MCM5: variants seen among roughly 807,000 people sequenced by gnomAD.
The protein encoded by MCM5 is minichromosome maintenance complex component 5.
In MCM5, 46 loss-of-function variants were observed where a neutral mutation model predicts 79.9. The ratio of observed to expected loss-of-function variants is 0.58; its 90% CI spans 0.45 to 0.74. The LOEUF (loss-of-function observed/expected upper bound fraction) is 0.74. MCM5 is among the 30% of genes least tolerant of loss of function. The probability of loss-of-function intolerance (pLI) is 0.00; values close to 1 mark genes in which losing one functional copy is unlikely to be tolerated. For synonymous variants in MCM5, 404 were observed against 390.5 expected, an observed-to-expected ratio of 1.03 and a Z score of -0.41; for missense variants, 883 against 1,017.0, an observed-to-expected ratio of 0.87 and a Z score of 1.79.
intron 6 of MCM5, 62 bp from the exon 7 acceptor site, chr22:35,410,682 A>G: frequency 6.6e-7 from 1 of 1,508,636 alleles, no homozygotes; most frequent in African/African-American, 1.4e-5. Flanking sequence ...GGGTGGAATC[A>G]GAGACTTGCT....
At chr22:35,443,285 C>T in the MCM5 span, among the ~76,000 whole-genome samples, 3 of 152,156 alleles carry the variant, frequency 2.0e-5, no homozygotes, top group African/African-American at 7.2e-5. Context: ...CTCCCAGGTT[C>T]AAGTGATTCT....
the MCM5 span, among the ~76,000 whole-genome samples, chr22:35,437,886 A>G: frequency 5.3e-5 from 8 of 152,094 alleles, no homozygotes; most frequent in African/African-American, 1.9e-4. Context: ...GTGTCAATCT[A>G]GTCCTATTTT....
At chr22:35,408,831 C>G (rs776544062) in intron 6 of MCM5, among the ~76,000 whole-genome samples, 1 of 152,220 alleles carries the variant, frequency 6.6e-6, no homozygotes, top group African/African-American at 2.4e-5. Flanking sequence ...GGAGGAGAGC[C>G]GGGCTTTCAG....
the MCM5 span, among the ~76,000 whole-genome samples, chr22:35,453,748 GACAGAC>G: frequency 1.7e-4 from 4 of 23,978 alleles, no homozygotes; most frequent in Admixed American, 8.2e-4. Context: ...GTGAATCAGA[GACAGAC>G]AGACAGAGAG....
the MCM5 span, among the ~76,000 whole-genome samples, chr22:35,439,295 A>G: frequency 1.4e-5 from 2 of 147,996 alleles, no homozygotes; most frequent in Admixed American, 6.7e-5. Flanking sequence ...ATCTACCTGC[A>G]TATTCATCCA....
chr22:35,431,862 A>G, the MCM5 span, among the ~76,000 whole-genome samples: 1 of 152,084 alleles, frequency 6.6e-6, no homozygotes, highest in Non-Finnish European at 1.5e-5. Context: ...CCTTCCAGAA[A>G]CACCCTGCCT....
chr22:35,401,488 TC>T (rs1217598370), intron 2 of MCM5: 25 of 469,740 alleles, frequency 5.3e-5, no homozygotes, highest in African/African-American at 4.6e-4. Context: ...ACCTGTGACA[TC>T]ATGAGAATTC....
intron 2 of MCM5, 43 bp from the exon 3 acceptor site, chr22:35,403,164 C>T (rs1932109720): frequency 6.2e-7 from 1 of 1,608,464 alleles, no homozygotes. Context: ...GTTTCCTCTT[C>T]TTTGCACCCT....
chr22:35,414,921 C>T lies in MCM5; in HGVS notation c.1204-908C>T, dbSNP rs563314808. ...GAGCCAGAGAAGGTCTGACATGATCCGAGTGGCGGGGTTGTATAGGGCGAG... is the reference window on the plus strand; with the variant it reads ...GAGCCAGAGAAGGTCTGACATGATCTGAGTGGCGGGGTTGTATAGGGCGAG... On this transcript the variant is annotated intron_variant, in intron 9 of 16. Coordinates refer to ENST00000216122, the MANE Select transcript of MCM5 (RefSeq NM_006739.4). 6.6e-5 allele frequency among the ~76,000 whole-genome samples: 10 copies of T among 152,206 alleles called. No homozygotes were observed. In the East Asian group the frequency reaches 9.6e-4, roughly 15 times the overall value.
At chr22:35,403,663 A>G (rs1322574560) in intron 4 of MCM5, 121 bp downstream of exon 4, 1 of 1,233,114 alleles carries the variant, frequency 8.1e-7, no homozygotes, top group African/African-American at 1.5e-5. Flanking sequence ...CTCCTCCTGG[A>G]GACAAAAGGA....
chr22:35,449,752 C>T, the MCM5 span, among the ~76,000 whole-genome samples: 2 of 152,262 alleles, frequency 1.3e-5, no homozygotes, highest in Middle Eastern at 3.4e-3. Flanking sequence ...TTTCTTGGGC[C>T]AAATCCTACT....
At chr22:35,406,806 C>G in intron 5 of MCM5, 81 bp downstream of exon 5, 1 of 1,431,460 alleles carries the variant, frequency 7.0e-7, no homozygotes, top group South Asian at 1.2e-5. Context: ...CAAGCACTGC[C>G]TGCAGCTGCT....
chr22:35,439,131 C>A, the MCM5 span, among the ~76,000 whole-genome samples: 1 of 151,856 alleles, frequency 6.6e-6, no homozygotes, highest in East Asian at 1.9e-4. Flanking sequence ...ATCCATCCAT[C>A]CATCCACTCA....
chr22:35,416,582 T>C, intron 11 of MCM5, 56 bp from the exon 12 acceptor site: 1 of 1,356,232 alleles, frequency 7.4e-7, no homozygotes, highest in South Asian at 1.2e-5. Context: ...TAAACGTGTA[T>C]ATAAGAAGGC....
the MCM5 span, among the ~76,000 whole-genome samples, chr22:35,448,344 C>T: frequency 6.6e-6 from 1 of 151,988 alleles, no homozygotes; most frequent in South Asian, 2.1e-4. Flanking sequence ...CCTTTGTCTC[C>T]CTCTGGACCG....
chr22:35,416,669 G>T lies in MCM5; in HGVS notation c.1445G>T (p.Cys482Phe). The T allele has an allele frequency of 6.2e-7, 1 of 1,614,080 alleles. No individual in the cohort carries two copies. The highest frequency in any genetic ancestry group is 8.5e-7 in the Non-Finnish European group (1 of 1,180,004). The change falls in exon 12 of 17, where the codon TGC becomes TTC. Residue 482 changes from cysteine (C) to phenylalanine (F), a missense_variant. Cys to Phe is a radical substitution (Grantham distance 205). Around this residue, in one of 3 missense-constraint regions of MCM5, gnomAD observed 426 missense variants for 482.3 expected, o/e 0.88. Coordinates refer to ENST00000216122, the MANE Select transcript of MCM5 (RefSeq NM_006739.4). ...ATCACCACCACCCTGAACTCCCGCTGCTCCGTCCTGGCTGCTGCCAACTCA... is the reference window on the plus strand; with the variant it reads ...ATCACCACCACCCTGAACTCCCGCTTCTCCGTCCTGGCTGCTGCCAACTCA... The part of the protein sequence containing the change: ...AGITTTLNSR[C>F]SVLAAANSVF...
In MCM5 at chr22:35,400,413, C is replaced by T. The variant is rs1932003028; in HGVS notation, c.-8-18C>T. The T allele has an allele frequency of 6.2e-7, 1 of 1,613,834 alleles. No homozygotes were observed. Among genetic ancestry groups the T allele is most frequent in the South Asian group, 1.1e-5 (1 of 91,042 alleles). ...GGCGCTGCCCCCAGCCTGTTCTGGC[C>T]GTTTGTTCCCACCCCAGGCGCAGTC... is the stretch of plus-strand genomic sequence containing the variant. On this transcript the variant is annotated intron_variant, in intron 1 of 16. Coordinates refer to ENST00000216122, the MANE Select transcript of MCM5 (RefSeq NM_006739.4).
chr22:35,419,385 G>GA (rs982649688), intron 13 of MCM5, among the ~76,000 whole-genome samples: 7 of 152,194 alleles, frequency 4.6e-5, no homozygotes, highest in Non-Finnish European at 2.9e-5. Flanking sequence ...ACCGTCCCAG[G>GA]AGAGTCTGAG....
At position 35,423,204 on chromosome 22, in the gene MCM5, A is replaced by AT. The variant is rs1212086789; in HGVS notation, c.1976-9dup. ...AGCTCCCCGGCTGCCTCACTTCTCC[A>AT]TGCCCACAGGGGTGGAGGGCTTCAC... is the stretch of plus-strand genomic sequence containing the variant. On this transcript the variant is annotated splice_polypyrimidine_tract_variant and intron_variant, in intron 15 of 16. Coordinates refer to ENST00000216122, the MANE Select transcript of MCM5 (RefSeq NM_006739.4). The AT allele has an allele frequency of 6.4e-7, 1 of 1,553,274 alleles. No homozygotes were observed. Among genetic ancestry groups the AT allele is most frequent in the East Asian group, 2.3e-5 (1 of 42,622 alleles).
Sources: allele counts gnomAD v4.1 joint callset (sites outside exome capture counted in the v4.1 genomes callset), GRCh38; gene constraint gnomAD v4.1.1; regional missense constraint gnomAD v4.1.1; transcripts MANE v1.5; gene names NCBI Gene and HGNC (gene_info 2026-07-23, HGNC 2026-07-21).